The following PCDH9 variants were observed in gnomAD, a reference collection of about 807,000 sequenced individuals.
PCDH9 encodes protocadherin-9.
In PCDH9, 24 loss-of-function variants were observed where a neutral mutation model predicts 70.6. The observed-to-expected ratio is 0.34, with a 90% CI of 0.25 to 0.48. PCDH9 has a LOEUF of 0.48. Ranked by LOEUF, PCDH9 falls within the 20% of genes least tolerant of loss-of-function variation. PCDH9 has a pLI of 0.99. For synonymous variants in PCDH9, 562 were observed against 558.5 expected (o/e 1.01, Z -0.09); for missense variants, 1,281 against 1,503.6 (o/e 0.85, Z 2.45).
At chr13:66,539,887 T>C (rs1027565495) in intron 4 of PCDH9, among the ~76,000 whole-genome samples, 1 of 138,546 alleles carries the variant, frequency 7.2e-6, no homozygotes, top group Admixed American at 7.3e-5. Context: ...TTTTTTTTTT[T>C]TGAGACAAGG....
chr13:66,574,832 A>T (rs2076790002), intron 4 of PCDH9, among the ~76,000 whole-genome samples: 1 of 152,134 alleles, frequency 6.6e-6, no homozygotes, highest in South Asian at 2.1e-4. Context: ...AAACAATTCC[A>T]CTGTGACAAC....
intron 4 of PCDH9, among the ~76,000 whole-genome samples, chr13:66,611,280 G>T (rs188500826): frequency 7.2e-5 from 11 of 152,074 alleles, no homozygotes; most frequent in African/African-American, 1.9e-4. Flanking sequence ...TTACATTTTT[G>T]CAGATTTGAC....
At chr13:66,452,511 C>T (rs1958234419) in intron 4 of PCDH9, among the ~76,000 whole-genome samples, 1 of 152,002 alleles carries the variant, frequency 6.6e-6, no homozygotes, top group Non-Finnish European at 1.5e-5. Context: ...CTTTTGAGTG[C>T]TTTGGAACTT....
Position 66,307,451 on chromosome 13 carries a change from G to C in PCDH9, c.3341-2423C>G, listed in dbSNP as rs115334876. On this transcript the variant is annotated intron_variant, in intron 4 of 4. Transcript: ENST00000377865. ...TGATTTCACAAATCTTACACCAAAT[G>C]CTTCCTCAACAGCAAATTCCTTTGC... Among the ~76,000 whole-genome samples the C allele has an allele frequency of 6.4e-3, 970 of 152,094 alleles. 14 individuals carry two copies. Among genetic ancestry groups the C allele is most frequent in the African/African-American group, 0.022 (898 of 41,494 alleles).
chr13:67,003,661 T>C (rs2084289618), intron 2 of PCDH9, among the ~76,000 whole-genome samples: 1 of 152,192 alleles, frequency 6.6e-6, no homozygotes, highest in South Asian at 2.1e-4. Flanking sequence ...CAATATAGTA[T>C]GAAGCAGGAA....
intron 2 of PCDH9, among the ~76,000 whole-genome samples, chr13:67,032,928 T>C (rs981166984): frequency 6.6e-6 from 1 of 152,200 alleles, no homozygotes; most frequent in Non-Finnish European, 1.5e-5. Flanking sequence ...GAGATACTGA[T>C]TTCTAATAGT....
chr13:66,550,439 A>T (rs1455723383), intron 4 of PCDH9, among the ~76,000 whole-genome samples: 1 of 152,116 alleles, frequency 6.6e-6, no homozygotes, highest in East Asian at 1.9e-4. Context: ...ATGGTTGGTT[A>T]TGTGGACACC....
At chr13:66,736,753 A>G (rs1007979007) in intron 3 of PCDH9, among the ~76,000 whole-genome samples, 1 of 152,238 alleles carries the variant, frequency 6.6e-6, no homozygotes. Context: ...GAAGATGCTT[A>G]CAAGAGTCTC....
chr13:66,631,746 T>C (rs1355255880), intron 3 of PCDH9, among the ~76,000 whole-genome samples: 2 of 152,226 alleles, frequency 1.3e-5, no homozygotes, highest in Admixed American at 6.5e-5. Flanking sequence ...AGATGAAATA[T>C]GCAAATATGC....
chr13:66,500,674 A>G (rs1262174775), intron 4 of PCDH9, among the ~76,000 whole-genome samples: 2 of 152,128 alleles, frequency 1.3e-5, no homozygotes, highest in African/African-American at 2.4e-5. Flanking sequence ...CTATTTTATT[A>G]TCAGTTTCCA....
At chr13:67,169,714 G>GA (rs1187282127) in intron 2 of PCDH9, among the ~76,000 whole-genome samples, 1 of 152,088 alleles carries the variant, frequency 6.6e-6, no homozygotes, top group African/African-American at 2.4e-5. Flanking sequence ...GTATTTTCCT[G>GA]AAAAATAATT....
chr13:67,158,475 C>T (rs1337248257), intron 2 of PCDH9, among the ~76,000 whole-genome samples: 1 of 152,156 alleles, frequency 6.6e-6, no homozygotes, highest in African/African-American at 2.4e-5. Context: ...GACAGTGGAA[C>T]CTTTGAGAAG....
Position 66,881,224 on chromosome 13 carries a change from G to A in PCDH9, c.3138+22280C>T, listed in dbSNP as rs111768703. On this transcript the variant is annotated intron_variant, in intron 3 of 4. Coordinates refer to ENST00000377865, the MANE Select transcript of PCDH9 (RefSeq NM_203487.3). ...AAGTGTTTTATATTAGTGTTAGTCC[G>A]TTTTCATGCTGCTAATAAACACATA... Among the ~76,000 whole-genome samples the A allele has an allele frequency of 2.2e-4, 33 of 152,244 alleles. No individual in the cohort carries two copies. The East Asian group carries it at 2.3e-3, about 11-fold the overall frequency.
intron 4 of PCDH9, among the ~76,000 whole-genome samples, chr13:66,446,390 A>T (rs1158729702): frequency 6.6e-6 from 1 of 152,114 alleles, no homozygotes; most frequent in Non-Finnish European, 1.5e-5. Context: ...TTGCATGTTT[A>T]TGCCAATGTA....
intron 3 of PCDH9, among the ~76,000 whole-genome samples, chr13:66,698,608 T>A (rs945644729): frequency 6.6e-6 from 1 of 152,190 alleles, no homozygotes; most frequent in Admixed American, 6.5e-5. Context: ...AGACAGGGTC[T>A]TGCTCTGTCA....
chr13:66,462,713 T>A (rs1021490799), intron 4 of PCDH9, among the ~76,000 whole-genome samples: 1 of 151,782 alleles, frequency 6.6e-6, no homozygotes, highest in Non-Finnish European at 1.5e-5. Flanking sequence ...CTTTTAAATC[T>A]TTTTATGCCT....
chr13:66,342,794 TTG>T (rs1491018465), intron 4 of PCDH9, among the ~76,000 whole-genome samples: 9 of 11,210 alleles, frequency 8.0e-4, no homozygotes, highest in Non-Finnish European at 2.7e-3. Context: ...TATTTATTTA[TTG>T]TATTTATTTA....
chr13:66,916,206 T>C (rs2082554979), intron 2 of PCDH9, among the ~76,000 whole-genome samples: 1 of 151,684 alleles, frequency 6.6e-6, no homozygotes, highest in African/African-American at 2.4e-5. Flanking sequence ...AATCCCGTAT[T>C]TTAAATTATA....
At chr13:67,157,652 A>G (rs559327049) in intron 2 of PCDH9, among the ~76,000 whole-genome samples, 16 of 152,338 alleles carry the variant, frequency 1.1e-4, no homozygotes, top group African/African-American at 3.8e-4. Context: ...AGAAAGTAAA[A>G]CTTGCCATGA....
Sources: gnomAD v4.1 joint callset for allele counts (sites outside exome capture counted in the v4.1 genomes callset) on GRCh38, gnomAD v4.1.1 for gene constraint, MANE v1.5 for transcripts, NCBI Gene and HGNC (gene_info 2026-07-23, HGNC 2026-07-21) for gene names.